COL18A1: variants seen among roughly 807,000 people sequenced by gnomAD.
COL18A1 encodes collagen alpha-1(XVIII) chain.
A neutral mutation model predicts 168.0 loss-of-function variants in COL18A1; 133 were observed. The ratio of observed to expected loss-of-function variants is 0.79; its 90% CI spans 0.69 to 0.91. COL18A1 has a LOEUF of 0.91. Among genes scored for constraint, COL18A1 ranks in the 40% least tolerant of loss-of-function variants. COL18A1 has a pLI of 0.00. For missense variants in COL18A1, 2,126 were observed against 1,925.4 expected (o/e 1.10, Z -1.95); for synonymous variants, 949 against 809.0 (o/e 1.17, Z -2.94).
intron 5 of COL18A1, among the ~76,000 whole-genome samples, 163 bp from the exon 6 acceptor site, chr21:45,476,188 A>G (rs1412072363): frequency 4.6e-5 from 7 of 152,200 alleles, no homozygotes; most frequent in African/African-American, 1.7e-4. Context: ...CCTGCGGCCC[A>G]CGGAAGGAAG....
chr21:45,468,193 C>T, intron 2 of COL18A1, 49 bp from the exon 3 acceptor site: 2 of 1,607,548 alleles, frequency 1.2e-6, no homozygotes, highest in African/African-American at 1.3e-5. Flanking sequence ...TCGGTGGCCC[C>T]TGGTTCCGTC....
At chr21:45,504,975 T>C (rs1276181998) in intron 34 of COL18A1, among the ~76,000 whole-genome samples, 159 bp from the exon 35 acceptor site, 1 of 151,868 alleles carries the variant, frequency 6.6e-6, no homozygotes, top group Non-Finnish European at 1.5e-5. Context: ...GGGGTGATGG[T>C]GTGGGGGTTT....
At chr21:45,448,759 C>T (rs1311030253) in intron 2 of COL18A1, among the ~76,000 whole-genome samples, 6 of 152,246 alleles carry the variant, frequency 3.9e-5, no homozygotes, top group Admixed American at 3.9e-4. Context: ...GTCCTTTGCC[C>T]CACTGGCCTG....
At position 45,495,990 on chromosome 21, in the gene COL18A1, A is replaced by T. The variant is rs2036526782; in HGVS notation, c.2509-510A>T. ...TACACATGCATACACACCAATACAC[A>T]TATATGCACACATGTGCACCCATAT... On this transcript the variant is annotated intron_variant, in intron 29 of 41. Transcript: ENST00000651438. The T allele has an allele frequency of 1.5e-5, 5 of 342,662 alleles. No individual in the cohort carries two copies. In the East Asian group the frequency reaches 3.8e-4, roughly 26 times the overall value. 21.2% of individuals were successfully genotyped at this position (342,662 alleles called of 1,614,324 possible).
chr21:45,508,582 C>CT (rs982173463), intron 38 of COL18A1, among the ~76,000 whole-genome samples: 1 of 151,886 alleles, frequency 6.6e-6, no homozygotes, highest in Non-Finnish European at 1.5e-5. Flanking sequence ...CGTCCAGCTG[C>CT]TGTCGGCCCC....
chr21:45,493,599 C>A (rs755522661), intron 26 of COL18A1, 24 bp downstream of exon 26: 1 of 1,533,430 alleles, frequency 6.5e-7, no homozygotes, highest in African/African-American at 1.4e-5. Context: ...AGCCTCCTTC[C>A]GGCAGGCGTG....
Position 45,452,699 on chromosome 21 carries a change from TTG to T in COL18A1, c.107-15539_107-15538del, listed in dbSNP as rs966354636. 5.1e-4 allele frequency among the ~76,000 whole-genome samples: 76 copies of T among 148,944 alleles called. 1 individual carries two copies. The highest frequency in any genetic ancestry group is 1.6e-3 in the East Asian group (8 of 4,906). On this transcript the variant is annotated intron_variant, in intron 2 of 41. Coordinates refer to ENST00000651438, the MANE Select transcript of COL18A1 (RefSeq NM_001379500.1). The stretch of plus-strand genomic sequence containing the variant: ...GACATGTGTGAGCATGTATGTGAGT[TTG>T]TGTATGCATGAATATTCACATGTGA...
At chr21:45,481,829 T>C in intron 13 of COL18A1, 134 bp from the exon 14 acceptor site, 1 of 732,454 alleles carries the variant, frequency 1.4e-6, no homozygotes, top group African/African-American at 1.7e-5. Context: ...GCCCTGGGAC[T>C]CTGGCCCTGT....
chr21:45,467,413 C>A, intron 2 of COL18A1: 1 of 985,336 alleles, frequency 1.0e-6, no homozygotes. Context: ...GACTGTGGCA[C>A]GTTGGCAGGT....
intron 2 of COL18A1, among the ~76,000 whole-genome samples, chr21:45,448,422 C>T (rs1254389203): frequency 2.0e-5 from 3 of 152,260 alleles, no homozygotes. Context: ...CATACCCATG[C>T]ACACATTCAC....
At chr21:45,492,144 C>T (rs1390183572) in intron 22 of COL18A1, among the ~76,000 whole-genome samples, 1 of 152,172 alleles carries the variant, frequency 6.6e-6, no homozygotes, top group Non-Finnish European at 1.5e-5. Flanking sequence ...TTGCTAGGAG[C>T]AGGCAGACAG....
chr21:45,421,364 G>A (rs771381079), intron 2 of COL18A1: 1 of 528,324 alleles, frequency 1.9e-6, no homozygotes, highest in South Asian at 1.4e-5. Flanking sequence ...CCTCAGGAGA[G>A]CTGGGAAGGG....
intron 2 of COL18A1, among the ~76,000 whole-genome samples, chr21:45,410,932 G>A (rs902257403): frequency 1.3e-5 from 2 of 152,082 alleles, no homozygotes; most frequent in Non-Finnish European, 2.9e-5. Flanking sequence ...GCCTCGTCTG[G>A]ACACACCTGG....
chr21:45,509,550 G>A lies in COL18A1; in HGVS notation c.3444G>A (p.Pro1148=), dbSNP rs150227889. 1.5e-4 allele frequency: 226 copies of A among 1,536,738 alleles called. No homozygotes were observed. Among genetic ancestry groups the A allele is most frequent in the African/African-American group, 3.3e-4 (24 of 73,268 alleles). The change falls in exon 39 of 42, where the codon CCG becomes CCA. Residue 1148 remains proline, a synonymous_variant. Coordinates refer to ENST00000651438, the MANE Select transcript of COL18A1 (RefSeq NM_001379500.1). ...ACAGCTCCTACGTGCACCTGCGGCC[G>A]GCGCGACCCACAAGCCCACCCGCCC... is the stretch of plus-strand genomic sequence containing the variant. The part of the protein sequence containing the change: ...PHHSSYVHLR[P]ARPTSPPAHS...
intron 32 of COL18A1, among the ~76,000 whole-genome samples, chr21:45,503,200 G>C (rs142514529): frequency 6.5e-4 from 99 of 152,272 alleles, no homozygotes; most frequent in African/African-American, 2.2e-3. Context: ...GTGTAAAAGT[G>C]TTCCTATTTC....
Position 45,505,271 on chromosome 21 carries a change from C to T in COL18A1, c.3006C>T (p.His1002=). Residue 1002 remains histidine (H), a synonymous_variant, in exon 35 of 42, where the codon CAC becomes CAT. Coordinates refer to ENST00000651438, the MANE Select transcript of COL18A1 (RefSeq NM_001379500.1). ...PPGPPSFPGP[H]RQTISVPGPP... is the part of the protein sequence containing the mutation. ...GGCCCCCTTCATTTCCTGGCCCTCA[C>T]AGGCAGAGTAAGTCAGTGGGGAGTG... 2 of 1,608,214 alleles carry T rather than the reference C, an allele frequency of 1.2e-6. No individual in the cohort carries two copies. The highest frequency in any genetic ancestry group is 8.5e-7 in the Non-Finnish European group (1 of 1,176,570).
Position 45,468,694 on chromosome 21 carries a change from C to A in COL18A1, c.559C>A (p.Pro187Thr), listed in dbSNP as rs2035304970. 2 of 1,613,536 alleles carry A rather than the reference C, an allele frequency of 1.2e-6. No homozygotes were observed. The highest frequency in any genetic ancestry group is 2.2e-5 in the South Asian group (2 of 91,088). ...GGACTGTGAGGAGTTCCAGAGAATG[C>A]CGCTTGCTCGGTCCTCACGGGGCCT... ...YVDCEEFQRM[P>T]LARSSRGLEL... The change falls in exon 3 of 42, where the codon CCG becomes ACG. Residue 187 changes from proline to threonine, a missense_variant. Coordinates refer to ENST00000651438, the MANE Select transcript of COL18A1 (RefSeq NM_001379500.1).
At chr21:45,452,954 A>T (rs1004517286) in intron 2 of COL18A1, among the ~76,000 whole-genome samples, 1 of 144,490 alleles carries the variant, frequency 6.9e-6, no homozygotes, top group East Asian at 2.0e-4. Context: ...ATGTATGTAC[A>T]TGTGTGACCT....
At chr21:45,477,586 C>G in intron 7 of COL18A1, 99 bp downstream of exon 7, 2 of 1,327,812 alleles carry the variant, frequency 1.5e-6, no homozygotes, top group African/African-American at 2.9e-5. Context: ...CCCTCTGTGC[C>G]CGTGCCTCCT....
Sources: allele counts gnomAD v4.1 joint callset (sites outside exome capture counted in the v4.1 genomes callset), GRCh38; gene constraint gnomAD v4.1.1; transcripts MANE v1.5; gene names NCBI Gene and HGNC (gene_info 2026-07-23, HGNC 2026-07-21).